NINL: variants seen among roughly 807,000 people sequenced by gnomAD.
The protein encoded by NINL is ninein-like protein.
A neutral mutation model predicts 160.3 loss-of-function variants in NINL; 153 were observed. The ratio of observed to expected loss-of-function variants is 0.95; its 90% confidence interval spans 0.84 to 1.09. The LOEUF (loss-of-function observed/expected upper bound fraction) is 1.09. Among genes scored for constraint, NINL ranks in the 50% least tolerant of loss-of-function variants. The pLI, the probability that NINL is intolerant of heterozygous loss-of-function variation, is 0.00. For missense variants in NINL, 1,829 were observed against 1,764.0 expected (o/e 1.04, Z -0.66); for synonymous variants, 800 against 734.8 (o/e 1.09, Z -1.43).
At chr20:25,540,803 C>G (rs2064650743) in intron 1 of NINL, among the ~76,000 whole-genome samples, 1 of 152,192 alleles carries the variant, frequency 6.6e-6, no homozygotes, top group Non-Finnish European at 1.5e-5. Flanking sequence ...TCCGGCAGTT[C>G]TGAGCTATTA....
In NINL at chr20:25,489,961, T is replaced by C; in HGVS notation, c.1510A>G (p.Ile504Val). The C allele has an allele frequency of 6.2e-7, 1 of 1,613,968 alleles. No individual in the cohort carries two copies. The highest frequency in any genetic ancestry group is 8.5e-7 in the Non-Finnish European group (1 of 1,179,980). The change falls in exon 12 of 24, where the codon ATT becomes GTT. Residue 504 changes from isoleucine to valine, a missense_variant. Ile to Val is a conservative substitution (Grantham distance 29). Coordinates refer to ENST00000278886, the MANE Select transcript of NINL (RefSeq NM_025176.6). ...LKENSRLQKEIVEVVEKLSDS... is the reference protein window; with the variant it reads ...LKENSRLQKEVVEVVEKLSDS... Reference sequence around the variant, plus strand: ...GAAAGCTTTTCCACCACTTCCACAATCTCCTTCTGTAGGCGACTGTTTTCC... The same window carrying C: ...GAAAGCTTTTCCACCACTTCCACAACCTCCTTCTGTAGGCGACTGTTTTCC...
chr20:25,528,286 G>A (rs992299601), intron 1 of NINL, among the ~76,000 whole-genome samples: 1 of 152,086 alleles, frequency 6.6e-6, no homozygotes, highest in East Asian at 1.9e-4. Context: ...TTCCTGCTGC[G>A]GCCTCCCAAA....
chr20:25,532,054 G>T (rs1006180042), intron 1 of NINL, among the ~76,000 whole-genome samples: 1 of 152,216 alleles, frequency 6.6e-6, no homozygotes, highest in African/African-American at 2.4e-5. Flanking sequence ...GGACAGCTCT[G>T]TGTGTGGCCA....
At chr20:25,492,693 C>A (rs1007618652) in intron 10 of NINL, among the ~76,000 whole-genome samples, 5 of 152,120 alleles carry the variant, frequency 3.3e-5, no homozygotes, top group African/African-American at 1.2e-4. Flanking sequence ...ACCTCGTGAT[C>A]TGCCTCCCAA....
intron 1 of NINL, among the ~76,000 whole-genome samples, chr20:25,545,189 C>T (rs913393304): frequency 1.7e-4 from 26 of 152,110 alleles, no homozygotes; most frequent in African/African-American, 6.3e-4. Context: ...TGGTTCTATT[C>T]CCATGGGCCT....
chr20:25,468,557 G>A (rs1326599544), intron 18 of NINL, among the ~76,000 whole-genome samples: 1 of 103,186 alleles, frequency 9.7e-6, no homozygotes, highest in South Asian at 3.0e-4. Flanking sequence ...TCTCACTGGT[G>A]CGCACCCCCC....
At chr20:25,518,198 G>A (rs1365520276) in intron 2 of NINL, among the ~76,000 whole-genome samples, 1 of 152,174 alleles carries the variant, frequency 6.6e-6, no homozygotes, top group South Asian at 2.1e-4. Flanking sequence ...TCTCCGCCAC[G>A]ACCCTTCCCC....
At position 25,476,199 on chromosome 20, in the gene NINL, G is replaced by A. The variant is rs781000050; in HGVS notation, c.3092C>T (p.Pro1031Leu). ...AAGCTGCTCCTGCCAGGAACCCTGC[G>A]GGTCTGCGAGCTGGAGGTGGGATGG... ...SLPSHLQLAD[P>L]QGSWQEQLAA... The change falls in exon 17 of 24, where the codon CCG becomes CTG. Residue 1031 changes from proline to leucine, a missense_variant. By Grantham distance (98) the Pro-to-Leu change is moderately conservative (BLOSUM62 -3). Coordinates refer to ENST00000278886, the MANE Select transcript of NINL (RefSeq NM_025176.6). The A allele has an allele frequency of 2.5e-6, 4 of 1,614,152 alleles. No homozygotes were observed. Among genetic ancestry groups the A allele is most frequent in the East Asian group, 4.5e-5 (2 of 44,872 alleles).
chr20:25,482,645 C>T (rs2063417413), intron 13 of NINL, among the ~76,000 whole-genome samples: 1 of 151,248 alleles, frequency 6.6e-6, no homozygotes, highest in Admixed American at 6.6e-5. Context: ...GCCACCATGC[C>T]TGGCCCTTAC....
At chr20:25,570,694 CTTTTTTTTTTT>C (rs57981279) in intron 1 of NINL, among the ~76,000 whole-genome samples, 3 of 91,014 alleles carry the variant, frequency 3.3e-5, no homozygotes, top group South Asian at 3.9e-4. Context: ...GGCAAGTAGA[CTTTTTTTTTTT>C]TTTTTTTTTT....
Position 25,470,034 on chromosome 20 carries a change from G to A in NINL, c.3310C>T (p.Arg1104Trp), listed in dbSNP as rs893257630. Reference protein sequence around the residue: ...TLLKNDLGRVRQELEAAESTH... With the variant: ...TLLKNDLGRVWQELEAAESTH... Reference sequence around the variant, plus strand: ...CTTTCTGCAGCTTCAAGCTCTTGCCGAACCCTTCCCAGATCGTTTTTCAAC... The same window carrying A: ...CTTTCTGCAGCTTCAAGCTCTTGCCAAACCCTTCCCAGATCGTTTTTCAAC... Residue 1104 changes from arginine to tryptophan, a missense_variant, in exon 18 of 24, where the codon CGG becomes TGG. Coordinates refer to ENST00000278886, the MANE Select transcript of NINL (RefSeq NM_025176.6). The A allele has an allele frequency of 5.6e-6, 9 of 1,614,128 alleles. No homozygotes were observed. The East Asian group carries it at 6.7e-5, about 12-fold the overall frequency.
At position 25,476,765 on chromosome 20, in the gene NINL, G is replaced by A. The variant is rs759020974; in HGVS notation, c.2526C>T (p.Gly842=). The change falls in exon 17 of 24, where the codon GGC becomes GGT. Residue 842 remains glycine, a synonymous_variant. Coordinates refer to ENST00000278886, the MANE Select transcript of NINL (RefSeq NM_025176.6). ...DGLVAGSGQE[G]TRGLLPLRPG... ...GACGCAGTGGTAGGAGGCCACGTGTGCCCTCCTGGCCACTTCCTGCCACCA... is the reference window on the plus strand; with the variant it reads ...GACGCAGTGGTAGGAGGCCACGTGTACCCTCCTGGCCACTTCCTGCCACCA... The A allele has an allele frequency of 3.1e-6, 5 of 1,610,384 alleles. No individual in the cohort carries two copies. The Admixed American group carries it at 6.7e-5, about 21-fold the overall frequency.
At chr20:25,550,480 G>T (rs1294551710) in intron 1 of NINL, among the ~76,000 whole-genome samples, 1 of 152,072 alleles carries the variant, frequency 6.6e-6, no homozygotes, top group Non-Finnish European at 1.5e-5. Flanking sequence ...CGCAAGCAAG[G>T]ACCTGCACCG....
chr20:25,550,845 C>A (rs1194983432), intron 1 of NINL, among the ~76,000 whole-genome samples: 1 of 152,192 alleles, frequency 6.6e-6, no homozygotes. Context: ...AGACAGATGC[C>A]TTCCTCTTAT....
At chr20:25,478,426 G>A (rs895872866) in intron 16 of NINL, among the ~76,000 whole-genome samples, 8 of 152,190 alleles carry the variant, frequency 5.3e-5, no homozygotes, top group African/African-American at 1.7e-4. Flanking sequence ...AAGAACAGAC[G>A]TGGTCACTTC....
intron 3 of NINL, among the ~76,000 whole-genome samples, chr20:25,516,761 T>A (rs2064166876): frequency 6.6e-6 from 1 of 152,042 alleles, no homozygotes; most frequent in Admixed American, 6.5e-5. Flanking sequence ...AGGCTTCTCC[T>A]CCCATCCCAG....
intron 17 of NINL, 82 bp from the exon 18 acceptor site, chr20:25,470,177 C>G: frequency 9.3e-7 from 1 of 1,078,928 alleles, no homozygotes; most frequent in South Asian, 1.3e-5. Context: ...GCGGGGAGTC[C>G]TGAGAACTGT....
intron 2 of NINL, among the ~76,000 whole-genome samples, chr20:25,522,710 A>C (rs1358305594): frequency 6.6e-6 from 1 of 152,262 alleles, no homozygotes. Flanking sequence ...ATCAAAGAGC[A>C]GTGGGATCAG....
rs1006596620 is a variant in NINL at position 25,481,751 on chromosome 20, G to A, written c.1810+217C>T. On this transcript the variant is annotated intron_variant, in intron 14 of 23. Transcript: ENST00000278886. ...AGCCCTGGGGCTGCCCACCTTCAGCGTCCCTTCCTCCTCCCTCTGCAGGTG... is the reference window on the plus strand; with the variant it reads ...AGCCCTGGGGCTGCCCACCTTCAGCATCCCTTCCTCCTCCCTCTGCAGGTG... The A allele has an allele frequency of 2.3e-5, 15 of 654,930 alleles. No homozygotes were observed. The East Asian group carries it at 3.3e-4, about 15-fold the overall frequency. The allele number at this position is 654,930 out of a possible 1,614,324, so 40.6% of individuals were successfully genotyped here.
Sources: allele counts gnomAD v4.1 joint callset (sites outside exome capture counted in the v4.1 genomes callset), GRCh38; gene constraint gnomAD v4.1.1; transcripts MANE v1.5; gene names NCBI Gene and HGNC (gene_info 2026-07-23, HGNC 2026-07-21).